CD302: variants seen among roughly 807,000 people sequenced by gnomAD.
CD302 encodes the protein CD302 molecule.
A neutral mutation model predicts 26.5 loss-of-function variants in CD302; 23 were observed. That is an observed-to-expected ratio of 0.87 (90% CI 0.62 to 1.23). The LOEUF is 1.23. CD302 is among the 50% of genes most tolerant of loss of function. The pLI is 0.00. For synonymous variants in CD302, 90 were observed against 99.4 expected (o/e 0.91, Z 0.56); for missense variants, 290 against 275.5 (o/e 1.05, Z -0.37).
chr2:159,798,190 C>G lies in CD302; in HGVS notation c.9G>C (p.Arg3=). 6.8e-7 allele frequency: 1 copy of G among 1,470,886 alleles called. No homozygotes were observed. Among genetic ancestry groups the G allele is most frequent in the Non-Finnish European group, 9.0e-7 (1 of 1,116,334 alleles). 91.1% of individuals were successfully genotyped at this position (1,470,886 alleles called of 1,614,324 possible). ...GCAGCAGGAGCGCGGGCAGCGCGGC[C>G]CGGAGCATGACGGCGGGTGCGGGTG... ML[R]AALPALLLPL... The change falls in exon 1 of 6, where the codon CGG becomes CGC. Residue 3 remains arginine (R), a synonymous_variant. Transcript: ENST00000259053.
chr2:159,793,517 G>C (rs1339399985), intron 1 of CD302, among the ~76,000 whole-genome samples: 2 of 151,928 alleles, frequency 1.3e-5, no homozygotes, highest in Non-Finnish European at 2.9e-5. Flanking sequence ...AAAAGGGAAA[G>C]ACTTCTTTTT....
At chr2:159,780,257 G>A (rs1325789188) in intron 3 of CD302, 79 bp from the exon 4 acceptor site, 3 of 1,483,820 alleles carry the variant, frequency 2.0e-6, no homozygotes, top group Admixed American at 4.0e-5. Context: ...GATTAAAGGT[G>A]GAAAGTTACT....
intron 1 of CD302, among the ~76,000 whole-genome samples, chr2:159,794,728 T>C (rs1425546443): frequency 6.6e-6 from 1 of 150,460 alleles, no homozygotes; most frequent in African/African-American, 2.4e-5. Flanking sequence ...TTTTGTATTT[T>C]TAGTAGAGAC....
chr2:159,797,526 G>C (rs1682487683), intron 1 of CD302, among the ~76,000 whole-genome samples: 2 of 152,320 alleles, frequency 1.3e-5, no homozygotes, highest in African/African-American at 4.8e-5. Flanking sequence ...CAGCAGACTA[G>C]AACTTTAAAA....
In CD302 at chr2:159,771,616, T is replaced by G; in HGVS notation, c.*235A>C. Reference sequence around the variant, plus strand: ...GCTTTCCTTCATTCAAGTGACAGATTCTGCCTTTGACGGGATGCTTAAAAT... The same window carrying G: ...GCTTTCCTTCATTCAAGTGACAGATGCTGCCTTTGACGGGATGCTTAAAAT... On this transcript the variant is annotated 3_prime_UTR_variant, in exon 6 of 6. Transcript: ENST00000259053. The G allele has an allele frequency of 2.4e-6, 1 of 411,440 alleles. No homozygotes were observed. Among genetic ancestry groups the G allele is most frequent in the Non-Finnish European group, 4.3e-6 (1 of 232,390 alleles). 25.5% of individuals were successfully genotyped at this position (411,440 alleles called of 1,614,324 possible).
At chr2:159,786,630 G>T (rs572709971) in intron 1 of CD302, among the ~76,000 whole-genome samples, 1 of 152,218 alleles carries the variant, frequency 6.6e-6, no homozygotes, top group East Asian at 1.9e-4. Flanking sequence ...CACTGCGCCC[G>T]GCCAAGTTTC....
At chr2:159,776,933 A>G (rs955774080) in intron 5 of CD302, among the ~76,000 whole-genome samples, 1 of 152,136 alleles carries the variant, frequency 6.6e-6, no homozygotes, top group South Asian at 2.1e-4. Context: ...TGTTTTAAAA[A>G]TTCCTACCAA....
At chr2:159,798,036 G>A (rs1204479930) in intron 1 of CD302, 96 bp downstream of exon 1, 3 of 1,216,504 alleles carry the variant, frequency 2.5e-6, no homozygotes, top group Non-Finnish European at 3.3e-6. Context: ...TGCGTCTGCG[G>A]GCCGCCCTCG....
chr2:159,770,029 T>G lies in CD302; in HGVS notation c.*1822A>C, dbSNP rs1332216553. On this transcript the variant is annotated 3_prime_UTR_variant, in exon 6 of 6. Transcript: ENST00000259053. ...CATTGTAGTTGTAGACGTTTGAGAC[T>G]GTTGGTTTTAAGTTGGACTTAATCA... The G allele has an allele frequency of 6.6e-6, 1 of 152,194 alleles. No individual in the cohort carries two copies. Among genetic ancestry groups the G allele is most frequent in the Admixed American group, 6.5e-5 (1 of 15,284 alleles). 9.4% of individuals were successfully genotyped at this position (152,194 alleles called of 1,614,324 possible).
rs3138650 is a variant in CD302 at position 159,792,422 on chromosome 2, C to CTGTGTGTGTGTG, written c.67+5698_67+5709dup. Among the ~76,000 whole-genome samples, 744 of 145,260 alleles carry CTGTGTGTGTGTG rather than the reference C, an allele frequency of 5.1e-3. 5 individuals carry two copies. Among genetic ancestry groups the CTGTGTGTGTGTG allele is most frequent in the East Asian group, 0.021 (101 of 4,788 alleles). The stretch of plus-strand genomic sequence containing the variant: ...TCTCCAGAGAAACAGAGAACCAACT[C>CTGTGTGTGTGTG]TGTGTGTGTGTGTGTGTGTGTGTGT... On this transcript the variant is annotated intron_variant, in intron 1 of 5. Transcript: ENST00000259053.
At chr2:159,780,718 T>G (rs1708479895) in intron 3 of CD302, among the ~76,000 whole-genome samples, 164 bp downstream of exon 3, 1 of 152,200 alleles carries the variant, frequency 6.6e-6, no homozygotes, top group South Asian at 2.1e-4. Flanking sequence ...CTCATTGAGC[T>G]ATGCAGATAC....
rs1271942755 is a variant in CD302 at position 159,770,890 on chromosome 2, T to C, written c.*961A>G. The stretch of plus-strand genomic sequence containing the variant: ...TAATTTACGTGAAATTTATACATTC[T>C]TTATCTTTCCTGTTTTTGGTTTATT... On this transcript the variant is annotated 3_prime_UTR_variant, in exon 6 of 6. Transcript: ENST00000259053. 6.6e-6 allele frequency: 1 copy of C among 152,174 alleles called. No individual in the cohort carries two copies. Among genetic ancestry groups the C allele is most frequent in the Non-Finnish European group, 1.5e-5 (1 of 68,014 alleles). 9.4% of individuals were successfully genotyped at this position (152,174 alleles called of 1,614,324 possible).
At chr2:159,775,716 C>CG (rs150534022) in intron 5 of CD302, among the ~76,000 whole-genome samples, 193 of 152,250 alleles carry the variant, frequency 1.3e-3, no homozygotes, top group African/African-American at 4.4e-3. Flanking sequence ...ACATCACCAC[C>CG]ATCCATTCAC....
chr2:159,779,747 G>A (rs1339315144), intron 4 of CD302, among the ~76,000 whole-genome samples: 1 of 151,962 alleles, frequency 6.6e-6, no homozygotes, highest in Admixed American at 6.6e-5. Flanking sequence ...CGGACCGCAG[G>A]TGCACGCCAC....
chr2:159,785,744 T>G (rs911369245), intron 1 of CD302, among the ~76,000 whole-genome samples: 1 of 152,208 alleles, frequency 6.6e-6, no homozygotes, highest in Non-Finnish European at 1.5e-5. Context: ...CCATCAAACA[T>G]TATTCTCTGT....
Position 159,798,111 on chromosome 2 carries a change from AG to A in CD302, c.67+20del. 1.3e-6 allele frequency: 2 copies of A among 1,495,632 alleles called. No individual in the cohort carries two copies. The highest frequency in any genetic ancestry group is 2.5e-5 in the South Asian group (2 of 80,386). The allele number at this position is 1,495,632 out of a possible 1,614,324, so 92.6% of individuals were successfully genotyped here. A position where few individuals can be genotyped will look rare whatever the true frequency, so the allele number is the denominator to read the frequency against. On this transcript the variant is annotated intron_variant, in intron 1 of 5. Transcript: ENST00000259053. Reference sequence around the variant, plus strand: ...AAGGCGGTCGCGCACGGTCCCGGCGAGGGACTACGTAAGGGCTTACCCGCGA... The same window carrying A: ...AAGGCGGTCGCGCACGGTCCCGGCGAGGACTACGTAAGGGCTTACCCGCGA...
chr2:159,797,016 CTT>C (rs746393522), intron 1 of CD302, among the ~76,000 whole-genome samples: 63 of 152,128 alleles, frequency 4.1e-4, no homozygotes, highest in Non-Finnish European at 7.4e-4. Flanking sequence ...ATGGGCACAT[CTT>C]GTTTCTGCCC....
Position 159,771,949 on chromosome 2 carries a change from A to G in CD302, c.601T>C (p.Phe201Leu), listed in dbSNP as rs1349959028. The G allele has an allele frequency of 6.2e-7, 1 of 1,614,060 alleles. No individual in the cohort carries two copies. Among genetic ancestry groups the G allele is most frequent in the Non-Finnish European group, 8.5e-7 (1 of 1,179,952 alleles). ...FLYKKHSDSR[F>L]TTVFSTAPQS... ...GGTGCGGTTGAAAAAACTGTGGTGA[A>G]ACGAGAATCAGAATGTTTTTTGTAC... Residue 201 changes from phenylalanine to leucine, a missense_variant, in exon 6 of 6, where the codon TTC becomes CTC. Transcript: ENST00000259053.
At chr2:159,785,091 C>T (rs1268025298) in intron 1 of CD302, among the ~76,000 whole-genome samples, 4 of 151,548 alleles carry the variant, frequency 2.6e-5, no homozygotes, top group Non-Finnish European at 5.9e-5. Flanking sequence ...TCTTGTGCCT[C>T]CGCCTCCTGA....
Sources: gnomAD v4.1 joint callset for allele counts (sites outside exome capture counted in the v4.1 genomes callset) on GRCh38, gnomAD v4.1.1 for gene constraint, MANE v1.5 for transcripts, NCBI Gene and HGNC (gene_info 2026-07-23, HGNC 2026-07-21) for gene names.